Variants in C16orf87 observed in about 807,000 individuals in gnomAD.
The protein encoded by C16orf87 is UPF0547 protein C16orf87.
A neutral mutation model predicts 21.0 loss-of-function variants in C16orf87; 13 were observed. The observed-to-expected ratio is 0.62, with a 90% CI of 0.40 to 0.98. The LOEUF (loss-of-function observed/expected upper bound fraction) is 0.98. C16orf87 is among the 50% of genes least tolerant of loss of function. C16orf87 has a pLI of 0.00. For missense variants in C16orf87, 113 were observed against 180.4 expected, an observed-to-expected ratio of 0.63 and a Z score of 2.14; for synonymous variants, 49 against 60.2, an observed-to-expected ratio of 0.81 and a Z score of 0.86.
chr16:46,808,801 T>C (rs1967997997), intron 3 of C16orf87, among the ~76,000 whole-genome samples: 1 of 152,040 alleles, frequency 6.6e-6, no homozygotes, highest in African/African-American at 2.4e-5. Context: ...TTGGTAGATA[T>C]TCGTCAGAAG....
intron 2 of C16orf87, among the ~76,000 whole-genome samples, chr16:46,816,539 T>C (rs189288270): frequency 2.5e-4 from 38 of 152,190 alleles, no homozygotes; most frequent in African/African-American, 8.2e-4. Flanking sequence ...ATCAACAAAA[T>C]TTCCTGGAAT....
At chr16:46,809,918 A>G (rs1461680622) in intron 2 of C16orf87, 133 bp from the exon 3 acceptor site, 2 of 570,592 alleles carry the variant, frequency 3.5e-6, no homozygotes, top group African/African-American at 1.9e-5. Flanking sequence ...AACTACAACC[A>G]TAACATATAT....
At chr16:46,820,659 C>T (rs140092328) in intron 2 of C16orf87, among the ~76,000 whole-genome samples, 90 of 152,254 alleles carry the variant, frequency 5.9e-4, no homozygotes, top group African/African-American at 2.1e-3. Flanking sequence ...CTTGAAAACC[C>T]TAGTAAATGC....
intron 2 of C16orf87, among the ~76,000 whole-genome samples, chr16:46,819,290 G>A (rs1959313974): frequency 6.6e-6 from 1 of 151,966 alleles, no homozygotes; most frequent in African/African-American, 2.4e-5. Context: ...TCGCCATGTT[G>A]CCCAGCCTGG....
chr16:46,803,404 C>G (rs1967833658), intron 3 of C16orf87, among the ~76,000 whole-genome samples: 1 of 152,136 alleles, frequency 6.6e-6, no homozygotes, highest in Non-Finnish European at 1.5e-5. Flanking sequence ...GAGATGGTCC[C>G]CTTCTGAACA....
At chr16:46,804,604 T>C (rs559397276) in intron 3 of C16orf87, among the ~76,000 whole-genome samples, 1 of 152,342 alleles carries the variant, frequency 6.6e-6, no homozygotes, top group South Asian at 2.1e-4. Context: ...TTATAGTTAT[T>C]TTTAAAATCA....
At chr16:46,816,884 C>T (rs1968262102) in intron 2 of C16orf87, among the ~76,000 whole-genome samples, 1 of 152,146 alleles carries the variant, frequency 6.6e-6, no homozygotes, top group Admixed American at 6.5e-5. Context: ...CCCTCTTCTT[C>T]CTTCTTGAAA....
intron 3 of C16orf87, among the ~76,000 whole-genome samples, chr16:46,808,599 G>C (rs142684908): frequency 5.3e-5 from 8 of 152,222 alleles, no homozygotes; most frequent in Admixed American, 5.2e-4. Flanking sequence ...ACAATAAAGA[G>C]CAACTATCCC....
rs1967703558 is a variant in C16orf87 at position 46,799,172 on chromosome 16, G to C, written c.*3780C>G. The C allele has an allele frequency of 6.6e-6, 1 of 152,136 alleles. No homozygotes were observed. Among genetic ancestry groups the C allele is most frequent in the Non-Finnish European group, 1.5e-5 (1 of 68,042 alleles). The allele number at this position is 152,136 out of a possible 1,614,324, so 9.4% of individuals were successfully genotyped here. A position where few individuals can be genotyped will look rare whatever the true frequency, so the allele number is the denominator to read the frequency against. On this transcript the variant is annotated 3_prime_UTR_variant, in exon 4 of 4. Transcript: ENST00000285697. ...TCATACTTTTAATCCTGGAGAGTCT[G>C]CTTTGTATGTTAGGATAGTTATTAG...
chr16:46,822,809 G>T (rs184868285), intron 2 of C16orf87, among the ~76,000 whole-genome samples: 136 of 152,118 alleles, frequency 8.9e-4, no homozygotes, highest in African/African-American at 3.2e-3. Context: ...CAAATCAGAG[G>T]ATGCCATCTT....
intron 2 of C16orf87, among the ~76,000 whole-genome samples, chr16:46,815,256 T>C (rs1339562781): frequency 1.3e-5 from 2 of 151,702 alleles, no homozygotes; most frequent in African/African-American, 4.8e-5. Context: ...GGATCAAATA[T>C]CTAAATATAA....
In C16orf87 at chr16:46,802,595, A is replaced by C. The variant is rs1967808657; in HGVS notation, c.*357T>G. ...ATTGCATCTCTGGTGGCAAACCTGA[A>C]AACAATCAAGCATCTTATTACCCTA... On this transcript the variant is annotated 3_prime_UTR_variant, in exon 4 of 4. Coordinates refer to ENST00000285697, the MANE Select transcript of C16orf87 (RefSeq NM_001001436.4). The C allele has an allele frequency of 6.2e-6, 1 of 161,668 alleles. No individual in the cohort carries two copies. Among genetic ancestry groups the C allele is most frequent in the South Asian group, 2.0e-4 (1 of 4,980 alleles). 10.0% of individuals were successfully genotyped at this position (161,668 alleles called of 1,614,324 possible).
At chr16:46,827,774 G>C (rs1567318574) in intron 1 of C16orf87, among the ~76,000 whole-genome samples, 1 of 151,488 alleles carries the variant, frequency 6.6e-6, no homozygotes, top group Non-Finnish European at 1.5e-5. Context: ...GTAGAGATGG[G>C]GTTTCACCAT....
chr16:46,811,142 A>G (rs1379154300), intron 2 of C16orf87, among the ~76,000 whole-genome samples: 2 of 152,212 alleles, frequency 1.3e-5, no homozygotes, highest in East Asian at 3.8e-4. Context: ...CAGAGTATCA[A>G]CATTTTTCAA....
intron 3 of C16orf87, 28 bp from the exon 4 acceptor site, chr16:46,803,098 T>C: frequency 8.9e-7 from 1 of 1,128,986 alleles, no homozygotes; most frequent in South Asian, 1.3e-5. Flanking sequence ...GAAAGTTTAA[T>C]ATAAAGGCAG....
intron 2 of C16orf87, among the ~76,000 whole-genome samples, chr16:46,811,007 T>C (rs113407647): frequency 5.3e-5 from 8 of 152,158 alleles, no homozygotes; most frequent in African/African-American, 7.2e-5. Flanking sequence ...AACTTAAATA[T>C]AGGGCAAGAA....
chr16:46,798,362 G>A lies in C16orf87; in HGVS notation c.*4590C>T, dbSNP rs1224122963. The A allele has an allele frequency of 6.6e-6, 1 of 152,246 alleles. No individual in the cohort carries two copies. The highest frequency in any genetic ancestry group is 1.5e-5 in the Non-Finnish European group (1 of 68,088). 9.4% of individuals were successfully genotyped at this position (152,246 alleles called of 1,614,324 possible). On this transcript the variant is annotated 3_prime_UTR_variant, in exon 4 of 4. Transcript: ENST00000285697. ...ATCTCTACTAAAAATACAAAAAGAAGCTGGGTGTAGTGGCGTGCGCCTGTA... is the reference window on the plus strand; with the variant it reads ...ATCTCTACTAAAAATACAAAAAGAAACTGGGTGTAGTGGCGTGCGCCTGTA...
chr16:46,823,475 G>C (rs574665335), intron 2 of C16orf87, among the ~76,000 whole-genome samples: 9 of 152,246 alleles, frequency 5.9e-5, no homozygotes, highest in Admixed American at 3.3e-4. Context: ...TAATAAATAT[G>C]TCTATTGAAT....
Position 46,798,936 on chromosome 16 carries a change from A to C in C16orf87, c.*4016T>G, listed in dbSNP as rs774585804. The C allele has an allele frequency of 6.6e-6, 1 of 152,190 alleles. No individual in the cohort carries two copies. Among genetic ancestry groups the C allele is most frequent in the Admixed American group, 6.5e-5 (1 of 15,284 alleles). The allele number at this position is 152,190 out of a possible 1,614,324, so 9.4% of individuals were successfully genotyped here. Reference sequence around the variant, plus strand: ...TACTAAAGGGTATTTTTTCAAGCCCACAACAACAACAAAGTTATTTAATGC... The same window carrying C: ...TACTAAAGGGTATTTTTTCAAGCCCCCAACAACAACAAAGTTATTTAATGC... On this transcript the variant is annotated 3_prime_UTR_variant, in exon 4 of 4. Coordinates refer to ENST00000285697, the MANE Select transcript of C16orf87 (RefSeq NM_001001436.4).
Sources: gnomAD v4.1 joint callset for allele counts (sites outside exome capture counted in the v4.1 genomes callset) on GRCh38, gnomAD v4.1.1 for gene constraint, MANE v1.5 for transcripts, NCBI Gene and HGNC (gene_info 2026-07-23, HGNC 2026-07-21) for gene names.